OR9Q1: variants seen among roughly 807,000 people sequenced by gnomAD.
The protein encoded by OR9Q1 is olfactory receptor 9Q1.
For synonymous variants in OR9Q1, 153 were observed against 148.6 expected (o/e 1.03, Z -0.22); for missense variants, 374 against 378.8 (o/e 0.99, Z 0.11).
rs3085835 is a variant in OR9Q1, at chr11:58,154,379, A to ATTTTTTTTTTTTTTTTTTTTTT, written c.-14-25036_-14-25035insTTTTTTTTTTTTTTTTTTTTTT. Among the ~76,000 whole-genome samples the ATTTTTTTTTTTTTTTTTTTTTT allele has an allele frequency of 1.4e-5, 2 of 140,954 alleles. 1 individual carries two copies. The allele number at this position is 140,954 out of a possible 152,430, so 92.5% of individuals were successfully genotyped here. ...TTAGCAATAAAAATCAATGCAATGGATTTTTTTTTTTTTTTTGTCCTGTGA... is the reference window on the plus strand; with the variant it reads ...TTAGCAATAAAAATCAATGCAATGGATTTTTTTTTTTTTTTTTTTTTTTTTTTTTTTTTTTTTTGTCCTGTGA... On this transcript the variant is annotated intron_variant, in intron 2 of 2. Transcript: ENST00000335397.
chr11:58,043,171 G>C (rs7117613), intron 1 of OR9Q1, among the ~76,000 whole-genome samples: 39,814 of 152,064 alleles, frequency 0.26, 5,755 homozygotes, highest in East Asian at 0.6. Context: ...TCTTCCTAGT[G>C]TCTAAGTTCA....
At chr11:58,121,323 G>A (rs1854030381) in intron 2 of OR9Q1, among the ~76,000 whole-genome samples, 1 of 152,168 alleles carries the variant, frequency 6.6e-6, no homozygotes, top group African/African-American at 2.4e-5. Context: ...AGTCCATCCA[G>A]GATACTCATT....
At chr11:58,109,685 T>G (rs2120106954) in intron 2 of OR9Q1, 1 of 413,912 alleles carries the variant, frequency 2.4e-6, no homozygotes, top group African/African-American at 2.1e-5. Flanking sequence ...CTGGTTCACC[T>G]GAAGAAGATA....
intron 2 of OR9Q1, among the ~76,000 whole-genome samples, chr11:58,084,518 T>C (rs1007208775): frequency 6.6e-6 from 1 of 151,824 alleles, no homozygotes; most frequent in Admixed American, 6.6e-5. Context: ...ATATCCCCTA[T>C]GAATATGCAT....
intron 2 of OR9Q1, chr11:58,075,272 TG>T (rs2120028819): frequency 6.6e-6 from 1 of 152,344 alleles, no homozygotes; most frequent in East Asian, 1.9e-4. Flanking sequence ...TTGTGTCCTC[TG>T]TCATTTCCTT....
intron 2 of OR9Q1, among the ~76,000 whole-genome samples, chr11:58,067,521 A>C (rs544949243): frequency 2.0e-5 from 3 of 152,338 alleles, no homozygotes; most frequent in Admixed American, 6.5e-5. Flanking sequence ...TGTGGATTGA[A>C]ATAATGGACT....
At chr11:58,065,197 A>T (rs1217683266) in intron 2 of OR9Q1, among the ~76,000 whole-genome samples, 2 of 152,216 alleles carry the variant, frequency 1.3e-5, no homozygotes, top group East Asian at 3.9e-4. Context: ...ACAGTCAGAT[A>T]CACACAGAGA....
chr11:58,054,631 G>C (rs1050335673), intron 1 of OR9Q1, among the ~76,000 whole-genome samples: 1 of 152,188 alleles, frequency 6.6e-6, no homozygotes, highest in Non-Finnish European at 1.5e-5. Flanking sequence ...AATACTTGTG[G>C]CATAAAAATG....
At chr11:58,071,873 C>A (rs188678931) in intron 2 of OR9Q1, among the ~76,000 whole-genome samples, 1 of 152,178 alleles carries the variant, frequency 6.6e-6, no homozygotes, top group Admixed American at 6.5e-5. Flanking sequence ...ACATATCTGG[C>A]AGAGATGTTT....
At chr11:58,037,844 G>A (rs1341505837) in intron 1 of OR9Q1, among the ~76,000 whole-genome samples, 47 of 142,758 alleles carry the variant, frequency 3.3e-4, no homozygotes, top group Non-Finnish European at 5.9e-4. Context: ...TCAGCCTCCC[G>A]AGTAGCTGGG....
intron 2 of OR9Q1, among the ~76,000 whole-genome samples, chr11:58,123,681 G>A (rs1332273969): frequency 6.6e-6 from 1 of 152,112 alleles, no homozygotes; most frequent in African/African-American, 2.4e-5. Context: ...TTTGAACCTA[G>A]GACATTCTAA....
chr11:58,070,041 A>G (rs1853471546), intron 2 of OR9Q1, among the ~76,000 whole-genome samples: 1 of 151,640 alleles, frequency 6.6e-6, no homozygotes, highest in Admixed American at 6.6e-5. Context: ...TTGCTCTGTC[A>G]CCCAGGCTGG....
intron 2 of OR9Q1, among the ~76,000 whole-genome samples, chr11:58,127,652 T>A (rs1194331273): frequency 6.6e-6 from 1 of 152,206 alleles, no homozygotes; most frequent in Non-Finnish European, 1.5e-5. Flanking sequence ...CTGTGAGCTC[T>A]TAGCAGCCAA....
At chr11:58,158,045 A>T (rs1223578723) in intron 2 of OR9Q1, among the ~76,000 whole-genome samples, 1 of 152,194 alleles carries the variant, frequency 6.6e-6, no homozygotes, top group East Asian at 1.9e-4. Context: ...AATTTCAAGG[A>T]TAAGGAAGCT....
chr11:58,099,036 A>G (rs1853758609), intron 2 of OR9Q1, among the ~76,000 whole-genome samples: 2 of 151,990 alleles, frequency 1.3e-5, no homozygotes. Context: ...ATTGTGGTAA[A>G]ATAACATATT....
chr11:58,119,457 G>A (rs1480893285), intron 2 of OR9Q1: 2 of 1,499,812 alleles, frequency 1.3e-6, no homozygotes, highest in Non-Finnish European at 9.2e-7. Flanking sequence ...AGACAATGTG[G>A]ACTGTTGGTC....
chr11:58,114,276 G>T (rs1178744041), intron 2 of OR9Q1, among the ~76,000 whole-genome samples: 3 of 152,198 alleles, frequency 2.0e-5, no homozygotes, highest in South Asian at 4.2e-4. Flanking sequence ...TGATCCAATT[G>T]TATCCTTGGG....
At chr11:58,108,878 T>A (rs1338274691) in intron 2 of OR9Q1, 1 of 357,858 alleles carries the variant, frequency 2.8e-6, no homozygotes, top group African/African-American at 2.1e-5. Context: ...GCGGAGTTAC[T>A]TCTCTGGTAC....
intron 1 of OR9Q1, chr11:58,031,422 T>C (rs1481962736): frequency 6.2e-7 from 1 of 1,614,182 alleles, no homozygotes; most frequent in Admixed American, 1.7e-5. Context: ...CTGGTAGGTT[T>C]CCTCACACCC....
Sources: gnomAD v4.1 joint callset for allele counts (sites outside exome capture counted in the v4.1 genomes callset) on GRCh38, gnomAD v4.1.1 for gene constraint, MANE v1.5 for transcripts, NCBI Gene and HGNC (gene_info 2026-07-23, HGNC 2026-07-21) for gene names.